The following PDZRN4 variants were observed in gnomAD, a reference collection of about 807,000 sequenced individuals.
PDZRN4 encodes PDZ domain containing ring finger 4, also known as PDZ domain-containing RING finger protein 4.
PDZRN4 carries 70 observed loss-of-function variants against 99.0 expected under a neutral mutation model. The observed-to-expected ratio is 0.71, with a 90% CI of 0.58 to 0.86. The LOEUF (loss-of-function observed/expected upper bound fraction) is 0.86. Among genes scored for constraint, PDZRN4 ranks in the 40% least tolerant of loss-of-function variants. The pLI is 0.00. For synonymous variants in PDZRN4, 551 were observed against 501.6 expected (o/e 1.10, Z -1.32); for missense variants, 1,474 against 1,331.2 (o/e 1.11, Z -1.67).
intron 3 of PDZRN4, among the ~76,000 whole-genome samples, chr12:41,320,115 A>G (rs1951665410): frequency 6.6e-6 from 1 of 152,224 alleles, no homozygotes; most frequent in African/African-American, 2.4e-5. Flanking sequence ...TCTTCTGCAC[A>G]GCCCCACCTA....
chr12:41,252,803 T>C (rs1951179820), intron 3 of PDZRN4, among the ~76,000 whole-genome samples: 1 of 151,846 alleles, frequency 6.6e-6, no homozygotes, highest in South Asian at 2.1e-4. Context: ...GACTAGGGAG[T>C]AAGTAGGAAG....
intron 7 of PDZRN4, among the ~76,000 whole-genome samples, chr12:41,559,200 CA>C (rs1939223084): frequency 6.6e-6 from 1 of 152,028 alleles, no homozygotes; most frequent in Admixed American, 6.5e-5. Context: ...CACACACACA[CA>C]CACACGTGCT....
intron 3 of PDZRN4, among the ~76,000 whole-genome samples, chr12:41,447,854 T>C (rs920325431): frequency 6.6e-6 from 1 of 152,068 alleles, no homozygotes; most frequent in Non-Finnish European, 1.5e-5. Context: ...ATTTTGAATA[T>C]CTGACATATA....
At chr12:41,332,806 A>C (rs1951749293) in intron 3 of PDZRN4, among the ~76,000 whole-genome samples, 4 of 151,970 alleles carry the variant, frequency 2.6e-5, no homozygotes, top group Admixed American at 6.6e-5. Flanking sequence ...GGGCATAACA[A>C]AAACAGTTTC....
chr12:41,277,332 A>G (rs1565539680), intron 3 of PDZRN4, among the ~76,000 whole-genome samples: 1 of 152,172 alleles, frequency 6.6e-6, no homozygotes, highest in Non-Finnish European at 1.5e-5. Context: ...GGCCAACGAT[A>G]TAAAATCCTG....
chr12:41,295,444 T>C (rs202001085), intron 3 of PDZRN4, among the ~76,000 whole-genome samples: 2,196 of 152,258 alleles, frequency 0.014, 22 homozygotes, highest in Middle Eastern at 0.034. Context: ...GGCATTTTTT[T>C]TTCTCTGCAG....
chr12:41,231,392 G>T (rs935372756), intron 3 of PDZRN4, among the ~76,000 whole-genome samples: 1 of 152,022 alleles, frequency 6.6e-6, no homozygotes, highest in East Asian at 1.9e-4. Flanking sequence ...ATTGCAGAAA[G>T]GATCAGATTT....
chr12:41,223,162 C>A (rs1348502625), intron 3 of PDZRN4, among the ~76,000 whole-genome samples: 3 of 152,100 alleles, frequency 2.0e-5, no homozygotes, highest in African/African-American at 7.2e-5. Flanking sequence ...TTCTTAGACT[C>A]TATGAGAAGC....
chr12:41,476,131 C>A (rs1458558869), intron 3 of PDZRN4, among the ~76,000 whole-genome samples: 1 of 152,096 alleles, frequency 6.6e-6, no homozygotes, highest in Non-Finnish European at 1.5e-5. Flanking sequence ...CTTTTAGTAT[C>A]CCTGTAAGTA....
At chr12:41,400,368 T>G (rs1400226009) in intron 3 of PDZRN4, among the ~76,000 whole-genome samples, 1 of 152,122 alleles carries the variant, frequency 6.6e-6, no homozygotes, top group Non-Finnish European at 1.5e-5. Flanking sequence ...CCATGTGAAA[T>G]AGTCCACTAA....
At chr12:41,396,571 A>G (rs1423545935) in intron 3 of PDZRN4, among the ~76,000 whole-genome samples, 1 of 152,174 alleles carries the variant, frequency 6.6e-6, no homozygotes, top group Admixed American at 6.6e-5. Context: ...GAGCAACAAA[A>G]CTGGCTGTTT....
At chr12:41,228,648 G>T (rs765497168) in intron 3 of PDZRN4, among the ~76,000 whole-genome samples, 6 of 152,080 alleles carry the variant, frequency 3.9e-5, no homozygotes, top group Admixed American at 6.6e-5. Flanking sequence ...AGGCTACCAT[G>T]CTCTGAGTTT....
chr12:41,452,310 G>A (rs1336009781), intron 3 of PDZRN4, among the ~76,000 whole-genome samples: 2 of 151,538 alleles, frequency 1.3e-5, no homozygotes, highest in African/African-American at 2.4e-5. Context: ...GTGGTGGCGG[G>A]TGCCTTTGGT....
intron 3 of PDZRN4, among the ~76,000 whole-genome samples, chr12:41,240,837 A>T (rs1264725036): frequency 6.6e-6 from 1 of 151,604 alleles, no homozygotes; most frequent in Non-Finnish European, 1.5e-5. Context: ...TTACCTACTC[A>T]CCTCTCAAAG....
At chr12:41,349,365 T>C (rs1038863634) in intron 3 of PDZRN4, among the ~76,000 whole-genome samples, 5 of 151,880 alleles carry the variant, frequency 3.3e-5, no homozygotes, top group Admixed American at 6.6e-5. Flanking sequence ...AAGAGAAGAC[T>C]GAATTTAGGA....
At chr12:41,235,988 A>G (rs956147898) in intron 3 of PDZRN4, among the ~76,000 whole-genome samples, 15 of 152,190 alleles carry the variant, frequency 9.9e-5, no homozygotes, top group African/African-American at 3.6e-4. Context: ...TAGCCATTTC[A>G]GGAATCAAAT....
intron 3 of PDZRN4, among the ~76,000 whole-genome samples, chr12:41,369,197 A>G (rs1952022788): frequency 6.6e-6 from 1 of 152,132 alleles, no homozygotes; most frequent in African/African-American, 2.4e-5. Context: ...AAGGGAAGAT[A>G]ATGTTTCTAG....
chr12:41,405,161 C>G (rs550932455), intron 3 of PDZRN4, among the ~76,000 whole-genome samples: 1 of 152,104 alleles, frequency 6.6e-6, no homozygotes, highest in East Asian at 1.9e-4. Context: ...TATCAGTAAA[C>G]AGACAACCTA....
chr12:41,413,512 G>A (rs77662920), intron 3 of PDZRN4, among the ~76,000 whole-genome samples: 5,175 of 152,136 alleles, frequency 0.034, 124 homozygotes, highest in African/African-American at 0.073. Flanking sequence ...ATAGCTAGAA[G>A]GAGGATTGAA....
Sources: allele counts gnomAD v4.1 joint callset (sites outside exome capture counted in the v4.1 genomes callset), GRCh38; gene constraint gnomAD v4.1.1; transcripts MANE v1.5; gene names NCBI Gene and HGNC (gene_info 2026-07-23, HGNC 2026-07-21).